Variants in ANKRD52 observed in about 807,000 individuals in gnomAD.
ANKRD52 encodes the protein serine/threonine-protein phosphatase 6 regulatory ankyrin repeat subunit C.
A neutral mutation model predicts 116.0 loss-of-function variants in ANKRD52; 7 were observed. That is an observed-to-expected ratio of 0.06 (90% CI 0.03 to 0.11). The LOEUF (loss-of-function observed/expected upper bound fraction) is 0.11, where lower values mean the gene tolerates loss of function less well. Ranked by LOEUF, ANKRD52 falls within the 10% of genes least tolerant of loss-of-function variation. The probability of loss-of-function intolerance (pLI) is 1.00; values close to 1 mark genes in which losing one functional copy is unlikely to be tolerated. For missense variants in ANKRD52, 839 were observed against 1,408.6 expected, an observed-to-expected ratio of 0.60 and a Z score of 6.47; for synonymous variants, 528 against 578.1, an observed-to-expected ratio of 0.91 and a Z score of 1.24.
rs1361405570 is a variant in ANKRD52 at position 56,254,465 on chromosome 12, C to T, written c.693+113G>A. On this transcript the variant is annotated intron_variant, in intron 7 of 27. Transcript: ENST00000267116. The surrounding 1 kb of genome is among the most constrained non-coding windows in gnomAD (Gnocchi z 4.6). ...ATTATTCAGACCCTCTCTACCACGT[C>T]CTTCCAACTTCCCAAAACTATACCA... 1.3e-6 allele frequency: 2 copies of T among 1,506,188 alleles called. No homozygotes were observed. The highest frequency in any genetic ancestry group is 1.8e-6 in the Non-Finnish European group (2 of 1,121,032). The allele number at this position is 1,506,188 out of a possible 1,614,324, so 93.3% of individuals were successfully genotyped here.
In ANKRD52 at chr12:56,257,024, G is replaced by A. The variant is rs748111397; in HGVS notation, c.252C>T (p.Ser84=). The A allele has an allele frequency of 3.7e-6, 6 of 1,613,274 alleles. No homozygotes were observed. In the South Asian group the frequency reaches 6.6e-5, roughly 18 times the overall value. The change falls in exon 4 of 28, where the codon TCC becomes TCT. Residue 84 remains serine, a synonymous_variant. Transcript: ENST00000267116. Reference sequence around the variant, plus strand: ...AGGTGGGGGTGCATACCTCGTTTCGGGAGGCAGCAGCACGATGAAGAGGGG... The same window carrying A: ...AGGTGGGGGTGCATACCTCGTTTCGAGAGGCAGCAGCACGATGAAGAGGGG... The part of the protein sequence containing the change: ...WLTPLHRAAA[S]RNEKVLGLLL...
chr12:56,250,423 T>C (rs1156788979), intron 15 of ANKRD52, among the ~76,000 whole-genome samples: 1 of 149,594 alleles, frequency 6.7e-6, no homozygotes, highest in Non-Finnish European at 1.5e-5. Flanking sequence ...TGGGGTGCAG[T>C]GGCTATTCAT....
intron 3 of ANKRD52, 81 bp downstream of exon 3, chr12:56,257,202 G>T: frequency 6.5e-7 from 1 of 1,543,190 alleles, no homozygotes; most frequent in Non-Finnish European, 8.8e-7. Context: ...AAGCCGGGGA[G>T]AGCAATCCTT....
chr12:56,247,475 C>G lies in ANKRD52; in HGVS notation c.2184+18G>C. The G allele has an allele frequency of 6.4e-7, 1 of 1,551,782 alleles. No individual in the cohort carries two copies. The highest frequency in any genetic ancestry group is 8.7e-7 in the Non-Finnish European group (1 of 1,146,194). The stretch of plus-strand genomic sequence containing the variant: ...CTGAGGCCCATGTGCAAACAATCCC[C>G]CCTAGAAGCTCACTCACCCCGCGGT... On this transcript the variant is annotated intron_variant, in intron 20 of 27. Coordinates refer to ENST00000267116, the MANE Select transcript of ANKRD52 (RefSeq NM_173595.4).
rs1565606165 is a variant in ANKRD52 at position 56,242,032 on chromosome 12, T to C, written c.*1110A>G. 2 of 398,436 alleles carry C rather than the reference T, an allele frequency of 5.0e-6. No individual in the cohort carries two copies. Among genetic ancestry groups the C allele is most frequent in the Non-Finnish European group, 8.8e-6 (2 of 226,054 alleles). 24.7% of individuals were successfully genotyped at this position (398,436 alleles called of 1,614,324 possible). On this transcript the variant is annotated 3_prime_UTR_variant, in exon 28 of 28. Transcript: ENST00000267116. This position sits in a 1 kb window ranked among gnomAD's most constrained non-coding sequence, Gnocchi z 4.3. ...CACGGTCCCTTGTCGGCCCTGCCCC[T>C]CCTACCATCTTTGGCTTCAGATCAG...
intron 20 of ANKRD52, among the ~76,000 whole-genome samples, chr12:56,247,140 T>C (rs1412139681): frequency 6.8e-6 from 1 of 147,982 alleles, no homozygotes; most frequent in African/African-American, 2.5e-5. Flanking sequence ...AACCCAGGAG[T>C]TCAAGACCAG....
At position 56,247,596 on chromosome 12, in the gene ANKRD52, A is replaced by G. The variant is rs1484690443; in HGVS notation, c.2081T>C (p.Leu694Pro). The G allele has an allele frequency of 1.3e-6, 2 of 1,592,750 alleles. No individual in the cohort carries two copies. The highest frequency in any genetic ancestry group is 8.6e-7 in the Non-Finnish European group (1 of 1,168,760). The part of the protein sequence containing the change: ...MDAYGQTPLM[L>P]AIMNGHVDCV... ...GTCCACATGGCCATTCATGATGGCCAGCATCAGTGGGGTCCTACAGAAGGG... is the reference window on the plus strand; with the variant it reads ...GTCCACATGGCCATTCATGATGGCCGGCATCAGTGGGGTCCTACAGAAGGG... Residue 694 changes from leucine (L) to proline (P), a missense_variant, in exon 20 of 28, where the codon CTG becomes CCG. Transcript: ENST00000267116.
intron 15 of ANKRD52, among the ~76,000 whole-genome samples, chr12:56,249,476 T>TA (rs1469588590): frequency 6.6e-6 from 1 of 152,250 alleles, no homozygotes; most frequent in Non-Finnish European, 1.5e-5. Context: ...ATACTATTTT[T>TA]ATCCTTACTG....
Position 56,254,193 on chromosome 12 carries a change from A to G in ANKRD52, c.780T>C (p.Asn260=). The G allele has an allele frequency of 1.2e-6, 2 of 1,613,976 alleles. No homozygotes were observed. The change falls in exon 8 of 28, where the codon AAT becomes AAC. Residue 260 remains asparagine, a synonymous_variant. Coordinates refer to ENST00000267116, the MANE Select transcript of ANKRD52 (RefSeq NM_173595.4). This position sits in a 1 kb window ranked among gnomAD's most constrained non-coding sequence, Gnocchi z 4.6. ...GQDAVAIELV[N]AGANVNQPND... ...TCGGCTGGTTGACATTGGCTCCGGC[A>G]TTCACCAGCTCAATAGCCACAGCAT...
intron 15 of ANKRD52, among the ~76,000 whole-genome samples, chr12:56,251,735 C>T (rs1172914180): frequency 3.1e-5 from 2 of 63,902 alleles, no homozygotes; most frequent in Admixed American, 2.4e-4. Flanking sequence ...GAGACTCTGT[C>T]TCCAAAAAAA....
Position 56,252,218 on chromosome 12 carries a change from A to G in ANKRD52, c.1468T>C (p.Cys490Arg). Residue 490 changes from cysteine to arginine, a missense_variant, in exon 14 of 28, where the codon TGC becomes CGC. Around this residue, in one of 2 missense-constraint regions of ANKRD52, gnomAD observed 552 missense variants for 810.6 expected, o/e 0.68. Transcript: ENST00000267116. This position sits in a 1 kb window ranked among gnomAD's most constrained non-coding sequence, Gnocchi z 4.7. Reference protein sequence around the residue: ...AGVNEADCKGCSPLHYAAASD... With the variant: ...AGVNEADCKGRSPLHYAAASD... The stretch of plus-strand genomic sequence containing the variant: ...GCGGCAGCGTAGTGGAGGGGAGAGC[A>G]GCCTTTACAGTCGGCCTCGTTGACA... The G allele has an allele frequency of 6.2e-7, 1 of 1,613,978 alleles. No individual in the cohort carries two copies. Among genetic ancestry groups the G allele is most frequent in the Non-Finnish European group, 8.5e-7 (1 of 1,179,874 alleles).
chr12:56,252,540 G>A lies in ANKRD52; in HGVS notation c.1332C>T (p.Ser444=), dbSNP rs1871754220. The change falls in exon 13 of 28, where the codon AGC becomes AGT. Residue 444 remains serine, a synonymous_variant. Transcript: ENST00000267116. This position sits in a 1 kb window ranked among gnomAD's most constrained non-coding sequence, Gnocchi z 4.7. ...GNVECLNLLL[S]SGADLRRRDK... ...CCCTCCTCCTCAAGTCAGCTCCACT[G>A]CTCAACAGCAAATTAAGACATTCAA... 2 of 1,613,744 alleles carry A rather than the reference G, an allele frequency of 1.2e-6. No individual in the cohort carries two copies. The highest frequency in any genetic ancestry group is 2.7e-5 in the African/African-American group (2 of 74,898).
At chr12:56,247,641 C>A in intron 19 of ANKRD52, 31 bp from the exon 20 acceptor site, 1 of 1,591,688 alleles carries the variant, frequency 6.3e-7, no homozygotes, top group Non-Finnish European at 8.6e-7. Flanking sequence ...GAGTGAGGAT[C>A]CCGCAAGGAC....
chr12:56,250,958 G>T, intron 15 of ANKRD52, among the ~76,000 whole-genome samples: 1 of 150,204 alleles, frequency 6.7e-6, no homozygotes, highest in African/African-American at 2.5e-5. Context: ...TTGTTTTTTT[G>T]GAGACAGAGT....
rs1278962898 is a variant in ANKRD52 at position 56,245,517 on chromosome 12, C to T, written c.2264G>A (p.Arg755His). 1.2e-6 allele frequency: 2 copies of T among 1,611,454 alleles called. No homozygotes were observed. Among genetic ancestry groups the T allele is most frequent in the Non-Finnish European group, 1.7e-6 (2 of 1,178,934 alleles). The change falls in exon 21 of 28, where the codon CGC becomes CAC. Residue 755 changes from arginine to histidine, a missense_variant. Coordinates refer to ENST00000267116, the MANE Select transcript of ANKRD52 (RefSeq NM_173595.4). ...AFVLCRDFKGRTPIHLASACG... is the reference protein window; with the variant it reads ...AFVLCRDFKGHTPIHLASACG... ...GGCTGAGGCCAGGTGAATGGGCGTG[C>T]GGCCCTTAAAGTCTCGGCACAGCAC...
Position 56,239,806 on chromosome 12 carries a change from G to A in ANKRD52, c.*3336C>T, listed in dbSNP as rs1455738457. 6.6e-6 allele frequency: 1 copy of A among 152,254 alleles called. No homozygotes were observed. Among genetic ancestry groups the A allele is most frequent in the East Asian group, 1.9e-4 (1 of 5,198 alleles). The allele number at this position is 152,254 out of a possible 1,614,324, so 9.4% of individuals were successfully genotyped here. A position where few individuals can be genotyped will look rare whatever the true frequency, so the allele number is the denominator to read the frequency against. The stretch of plus-strand genomic sequence containing the variant: ...CAGGGAGTAAGAAGGTGCTCGGGTG[G>A]GCAGACAGTGGTGGAAACAGTATTG... On this transcript the variant is annotated 3_prime_UTR_variant, in exon 28 of 28. Transcript: ENST00000267116.
At chr12:56,256,102 C>G in intron 4 of ANKRD52, 118 bp from the exon 5 acceptor site, 14 of 1,036,758 alleles carry the variant, frequency 1.4e-5, no homozygotes, top group Non-Finnish European at 2.0e-5. Context: ...AGAATCTCTT[C>G]TCATTTTTCC....
In ANKRD52 at chr12:56,253,335, G is replaced by A. The variant is rs762617208; in HGVS notation, c.1053C>T (p.His351=). ...TCATGAGGGTGCTGATGAGCAGCTC[G>A]TGTCCATATCGAGCAGCCACATGCA... The part of the protein sequence containing the change: ...TPLHVAARYG[H]ELLISTLMTN... The change falls in exon 10 of 28, where the codon CAC becomes CAT. Residue 351 remains histidine, a synonymous_variant. Transcript: ENST00000267116. This position sits in a 1 kb window ranked among gnomAD's most constrained non-coding sequence, Gnocchi z 5.5. 10 of 1,613,854 alleles carry A rather than the reference G, an allele frequency of 6.2e-6. No homozygotes were observed. The East Asian group carries it at 8.9e-5, about 14-fold the overall frequency.
At position 56,254,249 on chromosome 12, in the gene ANKRD52, C is replaced by T. The variant is rs780176963; in HGVS notation, c.724G>A (p.Ala242Thr). 3 of 1,613,766 alleles carry T rather than the reference C, an allele frequency of 1.9e-6. No homozygotes were observed. Among genetic ancestry groups the T allele is most frequent in the South Asian group, 2.2e-5 (2 of 91,076 alleles). ...CCCAGGTAGCAGGCGATGTGCAAAG[C>T]TGTGTTTCCAAAAGCATTGGGTTCA... ...IDEPNAFGNT[A>T]LHIACYLGQD... The change falls in exon 8 of 28, where the codon GCT becomes ACT. Residue 242 changes from alanine to threonine, a missense_variant. Transcript: ENST00000267116. The surrounding 1 kb of genome is among the most constrained non-coding windows in gnomAD (Gnocchi z 4.6).
Sources: allele counts gnomAD v4.1 joint callset (sites outside exome capture counted in the v4.1 genomes callset), GRCh38; gene constraint gnomAD v4.1.1; regional missense constraint gnomAD v4.1.1; non-coding constraint Gnocchi (gnomAD v3.1); transcripts MANE v1.5; gene names NCBI Gene and HGNC (gene_info 2026-07-23, HGNC 2026-07-21).